SLC4A4: variants seen among roughly 807,000 people sequenced by gnomAD.
SLC4A4 encodes the protein electrogenic sodium bicarbonate cotransporter 1.
In SLC4A4, 27 loss-of-function variants were observed where a neutral mutation model predicts 111.5. The observed-to-expected ratio is 0.24, with a 90% confidence interval of 0.18 to 0.33. The LOEUF (loss-of-function observed/expected upper bound fraction) is 0.33, where lower values mean the gene tolerates loss of function less well. Among genes scored for constraint, SLC4A4 ranks in the 10% least tolerant of loss-of-function variants. The pLI, the probability that SLC4A4 is intolerant of heterozygous loss-of-function variation, is 1.00. For missense variants in SLC4A4, 909 were observed against 1,315.5 expected (o/e 0.69, Z 4.78); for synonymous variants, 443 against 463.4 (o/e 0.96, Z 0.57).
intron 2 of SLC4A4, among the ~76,000 whole-genome samples, chr4:71,253,311 G>A (rs149352815): frequency 6.6e-6 from 1 of 151,974 alleles, no homozygotes; most frequent in Admixed American, 6.6e-5. Context: ...CATATAGACT[G>A]TCTATTAAAT....
At chr4:71,115,128 T>C (rs962606014) in intron 2 of SLC4A4, among the ~76,000 whole-genome samples, 4 of 147,224 alleles carry the variant, frequency 2.7e-5, no homozygotes, top group African/African-American at 1.0e-4. Flanking sequence ...TAGGTGGGAA[T>C]TGAACAGTGA....
At chr4:71,481,977 GAC>G (rs2149123972) in intron 14 of SLC4A4, among the ~76,000 whole-genome samples, 1 of 151,742 alleles carries the variant, frequency 6.6e-6, no homozygotes, top group Non-Finnish European at 1.5e-5. Context: ...AAATGGGAGA[GAC>G]AGTGTAGAGT....
At chr4:71,343,992 G>T (rs1230959998) in intron 4 of SLC4A4, among the ~76,000 whole-genome samples, 1 of 152,024 alleles carries the variant, frequency 6.6e-6, no homozygotes, top group Non-Finnish European at 1.5e-5. Flanking sequence ...CCTGCTTAGT[G>T]GTTGTCCTAT....
intron 16 of SLC4A4, among the ~76,000 whole-genome samples, chr4:71,513,729 C>T (rs1732129989): frequency 6.6e-6 from 1 of 152,170 alleles, no homozygotes; most frequent in African/African-American, 2.4e-5. Context: ...GGGCTTTCAA[C>T]TTGTCCTCAT....
At chr4:71,315,086 G>A (rs1726573103) in intron 3 of SLC4A4, among the ~76,000 whole-genome samples, 1 of 152,096 alleles carries the variant, frequency 6.6e-6, no homozygotes. Flanking sequence ...TTTTCTTGGA[G>A]TTTATAAAGT....
At chr4:71,340,624 A>G (rs1382745431) in intron 4 of SLC4A4, among the ~76,000 whole-genome samples, 7 of 152,182 alleles carry the variant, frequency 4.6e-5, no homozygotes, top group African/African-American at 1.7e-4. Flanking sequence ...TCTTTTAAAT[A>G]TCCAGCTGAA....
At chr4:71,201,906 G>A (rs777823789) in intron 1 of SLC4A4, among the ~76,000 whole-genome samples, 3 of 152,264 alleles carry the variant, frequency 2.0e-5, no homozygotes, top group Non-Finnish European at 4.4e-5. Flanking sequence ...GACATATGGT[G>A]GATAAAAGTT....
At chr4:71,349,117 G>A (rs527716802) in intron 4 of SLC4A4, among the ~76,000 whole-genome samples, 57 of 152,178 alleles carry the variant, frequency 3.7e-4, no homozygotes, top group Middle Eastern at 3.4e-3. Context: ...TTCCATTAAG[G>A]TTTTTTATTG....
At chr4:71,443,514 A>G (rs192205216) in intron 8 of SLC4A4, among the ~76,000 whole-genome samples, 34 of 152,226 alleles carry the variant, frequency 2.2e-4, no homozygotes, top group Non-Finnish European at 1.8e-4. Flanking sequence ...CAGTTGAGAG[A>G]TGAAGGCAAA....
At chr4:71,179,444 A>T (rs960528510) in intron 2 of SLC4A4, among the ~76,000 whole-genome samples, 3 of 152,232 alleles carry the variant, frequency 2.0e-5, no homozygotes, top group Non-Finnish European at 4.4e-5. Context: ...ATGATTGTAT[A>T]TCTAGAAAAC....
intron 8 of SLC4A4, among the ~76,000 whole-genome samples, chr4:71,444,317 G>T (rs531090916): frequency 1.3e-5 from 2 of 152,184 alleles, no homozygotes; most frequent in East Asian, 3.9e-4. Flanking sequence ...GGCATCTTCC[G>T]CAGGCATAAT....
At position 71,103,828 on chromosome 4, in the gene SLC4A4, C is replaced by T. The variant is rs370435411; in HGVS notation, c.-2+11036C>T. Among the ~76,000 whole-genome samples, 32 of 149,362 alleles carry T rather than the reference C, an allele frequency of 2.1e-4. No individual in the cohort carries two copies. The East Asian group carries it at 4.0e-3, about 18-fold the overall frequency. On this transcript the variant is annotated intron_variant, in intron 2 of 26. Coordinates refer to the SLC4A4 transcript ENST00000649996. ...CCCACAAGAGAAAGCAGGAAAGATCCAAAATTGACACCCTAACATCACAAT... is the reference window on the plus strand; with the variant it reads ...CCCACAAGAGAAAGCAGGAAAGATCTAAAATTGACACCCTAACATCACAAT...
chr4:71,440,654 A>C lies in SLC4A4; in HGVS notation c.846A>C (p.Ala282=), dbSNP rs756893668. Residue 282 remains alanine, a synonymous_variant, in exon 8 of 26, where the codon GCA becomes GCC. Coordinates refer to ENST00000264485, the MANE Select transcript of SLC4A4 (RefSeq NM_001098484.3). The part of the protein sequence containing the change: ...NKFMKKLPRD[A]EASNVLVGEV... ...TCATGAAAAAATTGCCACGTGATGC[A>C]GAAGCTTCCAACGTGCTTGTTGGGG... The C allele has an allele frequency of 1.9e-6, 3 of 1,614,154 alleles. No homozygotes were observed. The highest frequency in any genetic ancestry group is 2.5e-6 in the Non-Finnish European group (3 of 1,179,994).
chr4:71,526,376 CCTGA>C (rs1344581079), intron 16 of SLC4A4, among the ~76,000 whole-genome samples: 2 of 151,836 alleles, frequency 1.3e-5, no homozygotes, highest in African/African-American at 4.8e-5. Flanking sequence ...ACTATATCAC[CCTGA>C]CTGTGATTTT....
chr4:71,305,567 A>G (rs1725613964), intron 3 of SLC4A4, among the ~76,000 whole-genome samples: 1 of 152,274 alleles, frequency 6.6e-6, no homozygotes, highest in African/African-American at 2.4e-5. Flanking sequence ...CATGTGTTAT[A>G]TTAGACAGAA....
rs767405048 is a variant in SLC4A4 at position 71,433,682 on chromosome 4, G to T, written c.808-6934G>T. On this transcript the variant is annotated intron_variant, in intron 7 of 25. Coordinates refer to ENST00000264485, the MANE Select transcript of SLC4A4 (RefSeq NM_001098484.3). Reference sequence around the variant, plus strand: ...TTTGGCTTTTGTTGCTATTGCTTTTGGTGTTTTAGTCATGAAGTCTTTAGC... The same window carrying T: ...TTTGGCTTTTGTTGCTATTGCTTTTTGTGTTTTAGTCATGAAGTCTTTAGC... 1.8e-4 allele frequency among the ~76,000 whole-genome samples: 27 copies of T among 151,984 alleles called. 1 individual carries two copies. Among genetic ancestry groups the T allele is most frequent in the Non-Finnish European group, 1.6e-4 (11 of 67,964 alleles).
At chr4:71,560,045 C>T (rs747561598) in intron 22 of SLC4A4, 48 bp from the exon 23 acceptor site, 4 of 1,455,630 alleles carry the variant, frequency 2.7e-6, no homozygotes, top group Admixed American at 1.7e-5. Context: ...CTTGCTGTGA[C>T]TTCATCTGAC....
intron 2 of SLC4A4, among the ~76,000 whole-genome samples, chr4:71,095,839 G>T (rs1169042771): frequency 1.3e-5 from 2 of 152,216 alleles, no homozygotes; most frequent in African/African-American, 2.4e-5. Flanking sequence ...AAGATAATCT[G>T]AAGGTCAGAG....
chr4:71,570,883 C>G lies in SLC4A4; in HGVS notation c.*3132C>G, dbSNP rs1172578709. On this transcript the variant is annotated 3_prime_UTR_variant, in exon 26 of 26. Coordinates refer to ENST00000264485, the MANE Select transcript of SLC4A4 (RefSeq NM_001098484.3). ...TTTTGTGTGCCAGGGGCAGTAATGT[C>G]CCTGCCTCTTCTCCCAATCAAGGTT... The G allele has an allele frequency of 6.6e-6, 1 of 152,022 alleles. No homozygotes were observed. The highest frequency in any genetic ancestry group is 1.5e-5 in the Non-Finnish European group (1 of 67,854). 9.4% of individuals were successfully genotyped at this position (152,022 alleles called of 1,614,324 possible).
Sources: allele counts gnomAD v4.1 joint callset (sites outside exome capture counted in the v4.1 genomes callset), GRCh38; gene constraint gnomAD v4.1.1; transcripts MANE v1.5; gene names NCBI Gene and HGNC (gene_info 2026-07-23, HGNC 2026-07-21).